COP1: variants seen among roughly 807,000 people sequenced by gnomAD.
The protein encoded by COP1 is E3 ubiquitin-protein ligase COP1.
COP1 carries 24 observed loss-of-function variants against 101.3 expected under a neutral mutation model. The observed-to-expected ratio is 0.24, with a 90% CI of 0.17 to 0.33. The LOEUF is 0.33. Among genes scored for constraint, COP1 ranks in the 10% least tolerant of loss-of-function variants. The pLI is 1.00. For missense variants in COP1, 663 were observed against 906.2 expected (o/e 0.73, Z 3.45); for synonymous variants, 347 against 341.9 (o/e 1.01, Z -0.17).
At chr1:175,992,553 C>T (rs1643920592) in intron 15 of COP1, among the ~76,000 whole-genome samples, 1 of 152,228 alleles carries the variant, frequency 6.6e-6, no homozygotes, top group African/African-American at 2.4e-5. Context: ...TAATACTGCG[C>T]TTTACCGACA....
chr1:176,174,014 T>C (rs1008982421), intron 3 of COP1, among the ~76,000 whole-genome samples: 10 of 58,688 alleles, frequency 1.7e-4, no homozygotes, highest in Non-Finnish European at 3.6e-4. Flanking sequence ...AAAAAGAGAA[T>C]ATATATAATG....
At chr1:176,003,671 C>T (rs1413071106) in intron 15 of COP1, among the ~76,000 whole-genome samples, 1 of 152,010 alleles carries the variant, frequency 6.6e-6, no homozygotes, top group African/African-American at 2.4e-5. Context: ...AGATACGTGG[C>T]GTTATTTCTG....
intron 9 of COP1, among the ~76,000 whole-genome samples, chr1:176,109,051 G>A (rs1684833061): frequency 6.6e-6 from 1 of 152,104 alleles, no homozygotes. Context: ...GGTGGAGGTT[G>A]CAGTGAGCTG....
At chr1:176,083,609 G>C (rs1679588165) in intron 10 of COP1, among the ~76,000 whole-genome samples, 1 of 151,990 alleles carries the variant, frequency 6.6e-6, no homozygotes, top group African/African-American at 2.4e-5. Flanking sequence ...CTTTCTCCTA[G>C]TGCTTTATAA....
At chr1:175,965,266 T>C (rs1651865122) in intron 18 of COP1, among the ~76,000 whole-genome samples, 1 of 152,218 alleles carries the variant, frequency 6.6e-6, no homozygotes, top group Non-Finnish European at 1.5e-5. Context: ...TTTGCCCTTC[T>C]TTTGATGCAT....
chr1:176,118,246 G>A (rs1034403648), intron 8 of COP1, among the ~76,000 whole-genome samples: 1 of 152,086 alleles, frequency 6.6e-6, no homozygotes, highest in African/African-American at 2.4e-5. Context: ...CCAAAATATG[G>A]TAAACATTCA....
chr1:176,114,050 G>GAGT (rs571389593), intron 9 of COP1, among the ~76,000 whole-genome samples: 10 of 151,874 alleles, frequency 6.6e-5, no homozygotes, highest in Non-Finnish European at 1.0e-4. Context: ...CAGTCACAGG[G>GAGT]AGTAGCCTTG....
At chr1:175,968,595 A>G (rs1652592093) in intron 18 of COP1, 2 of 453,548 alleles carry the variant, frequency 4.4e-6, no homozygotes, top group South Asian at 1.7e-5. Context: ...TTATATTCCA[A>G]TTAACTAACT....
intron 1 of COP1, among the ~76,000 whole-genome samples, chr1:176,196,477 T>C (rs946796630): frequency 6.6e-6 from 1 of 152,192 alleles, no homozygotes; most frequent in Non-Finnish European, 1.5e-5. Flanking sequence ...ATTATTATTA[T>C]GCCAATAAAT....
chr1:176,157,018 T>G (rs1173018665), intron 5 of COP1, among the ~76,000 whole-genome samples: 1 of 151,952 alleles, frequency 6.6e-6, no homozygotes, highest in Non-Finnish European at 1.5e-5. Flanking sequence ...GTCAACATGG[T>G]GAGACGCCAT....
chr1:176,151,455 C>T (rs1331643470), intron 5 of COP1, among the ~76,000 whole-genome samples: 1 of 152,090 alleles, frequency 6.6e-6, no homozygotes, highest in East Asian at 1.9e-4. Flanking sequence ...TCTCAGTACT[C>T]TACAATACAG....
At chr1:175,979,100 T>C (rs1655221752) in intron 18 of COP1, among the ~76,000 whole-genome samples, 1 of 152,126 alleles carries the variant, frequency 6.6e-6, no homozygotes, top group African/African-American at 2.4e-5. Context: ...AGTGGTAACA[T>C]GATTCATTTG....
At chr1:176,199,843 G>A (rs1176105409) in intron 1 of COP1, among the ~76,000 whole-genome samples, 1 of 152,214 alleles carries the variant, frequency 6.6e-6, no homozygotes. Context: ...CATTAGGGTG[G>A]TGACTGCACA....
At chr1:176,116,517 A>G in intron 9 of COP1, 107 bp downstream of exon 9, 1 of 872,654 alleles carries the variant, frequency 1.1e-6, no homozygotes, top group Non-Finnish European at 1.9e-6. Flanking sequence ...CACTGCATTC[A>G]AAATGGTTGT....
chr1:176,191,980 C>T (rs1470418838), intron 1 of COP1, among the ~76,000 whole-genome samples: 2 of 152,058 alleles, frequency 1.3e-5, no homozygotes, highest in African/African-American at 2.4e-5. Context: ...TAACTATGTG[C>T]TAGCTTCAGG....
chr1:176,116,810 C>A, intron 8 of COP1, 129 bp from the exon 9 acceptor site: 2 of 670,150 alleles, frequency 3.0e-6, no homozygotes, highest in East Asian at 5.5e-5. Flanking sequence ...ATATTTATTG[C>A]CAATCATTAG....
intron 9 of COP1, chr1:176,100,463 T>C (rs1683217861): frequency 6.6e-6 from 1 of 152,188 alleles, no homozygotes; most frequent in Non-Finnish European, 1.5e-5. Flanking sequence ...TGTCATTAAA[T>C]TCTACATTCC....
chr1:175,946,024 C>A (rs1205401774), intron 19 of COP1, among the ~76,000 whole-genome samples: 1 of 152,090 alleles, frequency 6.6e-6, no homozygotes, highest in Non-Finnish European at 1.5e-5. Flanking sequence ...TGCTGGCAAT[C>A]CCAATTGGTG....
At chr1:176,181,851 A>G (rs1255602542) in intron 2 of COP1, among the ~76,000 whole-genome samples, 1 of 151,876 alleles carries the variant, frequency 6.6e-6, no homozygotes, top group African/African-American at 2.4e-5. Flanking sequence ...CAAAAAAAAA[A>G]ACCAAACAAA....
Sources: allele counts gnomAD v4.1 joint callset (sites outside exome capture counted in the v4.1 genomes callset), GRCh38; gene constraint gnomAD v4.1.1; transcripts MANE v1.5; gene names NCBI Gene and HGNC (gene_info 2026-07-23, HGNC 2026-07-21).